Variants in TOR1A observed in about 807,000 individuals in gnomAD.
TOR1A encodes torsin family 1 member A.
A neutral mutation model predicts 31.4 loss-of-function variants in TOR1A; 18 were observed. The ratio of observed to expected loss-of-function variants is 0.57; its 90% CI spans 0.40 to 0.85. The LOEUF (loss-of-function observed/expected upper bound fraction) is 0.85, where lower values mean the gene tolerates loss of function less well. Among genes scored for constraint, TOR1A ranks in the 40% least tolerant of loss-of-function variants. The pLI, the probability that TOR1A is intolerant of heterozygous loss-of-function variation, is 0.00. For missense variants in TOR1A, 375 were observed against 416.4 expected, an observed-to-expected ratio of 0.90 and a Z score of 0.87; for synonymous variants, 168 against 165.9, an observed-to-expected ratio of 1.01 and a Z score of -0.10.
At chr9:129,815,273 A>G (rs1247119574) in intron 4 of TOR1A, among the ~76,000 whole-genome samples, 1 of 152,228 alleles carries the variant, frequency 6.6e-6, no homozygotes, top group Non-Finnish European at 1.5e-5. Flanking sequence ...GACAGAGTGG[A>G]GCCTATGGCC....
intron 1 of TOR1A, chr9:129,823,186 C>G (rs1026538692): frequency 9.9e-6 from 4 of 402,414 alleles, no homozygotes; most frequent in Non-Finnish European, 1.9e-5. Context: ...CCCTCCTGGT[C>G]GGCTGCGGAA....
chr9:129,817,838 CAAAAAAAA>C lies in TOR1A; in HGVS notation c.748+674_748+681del, dbSNP rs760010551. On this transcript the variant is annotated intron_variant, in intron 4 of 4. Transcript: ENST00000351698. ...AAACATAGGAAGACCCAGTCTCTAC[CAAAAAAAA>C]AAAAAAAAAAAAAAAAAAAAATTAG... Among the ~76,000 whole-genome samples the C allele has an allele frequency of 4.8e-3, 220 of 45,744 alleles. 1 individual carries two copies. Among genetic ancestry groups the C allele is most frequent in the African/African-American group, 0.018 (208 of 11,816 alleles). 30.0% of individuals were successfully genotyped at this position (45,744 alleles called of 152,430 possible). A position where few individuals can be genotyped will look rare whatever the true frequency, so the allele number is the denominator to read the frequency against.
At position 129,824,134 on chromosome 9, in the gene TOR1A, T is replaced by G. The variant is rs1322838493; in HGVS notation, c.-49A>C. ...TGTTCTCGCGCCGACCGCGAACCGG[T>G]GCAGCCGCCAGACCCACGCTTCCGG... is the stretch of plus-strand genomic sequence containing the variant. On this transcript the variant is annotated 5_prime_UTR_variant, in exon 1 of 5. Coordinates refer to ENST00000351698, the MANE Select transcript of TOR1A (RefSeq NM_000113.3). 2.6e-6 allele frequency: 4 copies of G among 1,535,574 alleles called. No homozygotes were observed. The Admixed American group carries it at 7.8e-5, about 30-fold the overall frequency.
chr9:129,815,058 TCCTC>T (rs1428976377), intron 4 of TOR1A, among the ~76,000 whole-genome samples: 1 of 152,140 alleles, frequency 6.6e-6, no homozygotes, highest in Non-Finnish European at 1.5e-5. Flanking sequence ...CCAGGACACT[TCCTC>T]CCAGCCCCAG....
intron 1 of TOR1A, 54 bp downstream of exon 1, chr9:129,823,854 G>A: frequency 6.6e-7 from 1 of 1,526,088 alleles, no homozygotes; most frequent in Admixed American, 2.0e-5. Context: ...CAGCCCTAGT[G>A]CCATCGCCCA....
chr9:129,823,145 A>G (rs1336285426), intron 1 of TOR1A, among the ~76,000 whole-genome samples: 1 of 151,956 alleles, frequency 6.6e-6, no homozygotes, highest in East Asian at 1.9e-4. Flanking sequence ...CTCCCACCCC[A>G]AGGCAGAGCC....
At chr9:129,814,514 C>G (rs775217513) in intron 4 of TOR1A, among the ~76,000 whole-genome samples, 9 of 151,810 alleles carry the variant, frequency 5.9e-5, no homozygotes, top group Non-Finnish European at 1.2e-4. Flanking sequence ...CCCACACATA[C>G]CTACTGGGTG....
chr9:129,823,176 C>T (rs965664590), intron 1 of TOR1A: 28 of 416,258 alleles, frequency 6.7e-5, no homozygotes, highest in South Asian at 5.3e-4. Flanking sequence ...ACAGTTTGGT[C>T]CCTCCTGGTC....
intron 4 of TOR1A, among the ~76,000 whole-genome samples, chr9:129,816,214 C>CT (rs2031035090): frequency 6.6e-6 from 1 of 152,176 alleles, no homozygotes; most frequent in Non-Finnish European, 1.5e-5. Flanking sequence ...CTGGGGAATG[C>CT]TTTTCCCTCA....
At chr9:129,822,130 G>C (rs1250897212) in intron 2 of TOR1A, 1 of 255,646 alleles carries the variant, frequency 3.9e-6, no homozygotes, top group Non-Finnish European at 7.8e-6. Flanking sequence ...GCTGGGCATG[G>C]TGGCAGGACC....
chr9:129,818,778 A>T lies in TOR1A; in HGVS notation c.587T>A (p.Val196Asp), dbSNP rs2037115298. 1 of 1,613,102 alleles carries T rather than the reference A, an allele frequency of 6.2e-7. No homozygotes were observed. Among genetic ancestry groups the T allele is most frequent in the Admixed American group, 1.7e-5 (1 of 59,978 alleles). The change falls in exon 3 of 5, where the codon GTC becomes GAC. Residue 196 changes from valine (V) to aspartate (D), a missense_variant. Transcript: ENST00000351698. ...TATGAACATGGCTTTCTGGTAGGAG[A>T]CCCCATCCACCAGGTCATAATAGTC... is the stretch of plus-strand genomic sequence containing the variant. ...FLDYYDLVDG[V>D]SYQKAMFIFL... is the part of the protein sequence containing the mutation.
chr9:129,818,432 G>C, intron 4 of TOR1A, 88 bp downstream of exon 4: 2 of 1,591,214 alleles, frequency 1.3e-6, no homozygotes, highest in African/African-American at 1.3e-5. Flanking sequence ...CAGCTCCCAG[G>C]TGATGCTGAC....
At chr9:129,816,896 GATTA>G (rs2031055055) in intron 4 of TOR1A, among the ~76,000 whole-genome samples, 1 of 152,172 alleles carries the variant, frequency 6.6e-6, no homozygotes, top group Admixed American at 6.6e-5. Flanking sequence ...CTAACTGTAG[GATTA>G]ATTTCTTGGC....
At position 129,824,105 on chromosome 9, in the gene TOR1A, T is replaced by A. The variant is rs772405181; in HGVS notation, c.-20A>T. The A allele has an allele frequency of 7.7e-6, 12 of 1,554,560 alleles. No homozygotes were observed. Among genetic ancestry groups the A allele is most frequent in the South Asian group, 2.3e-5 (2 of 85,720 alleles). ...CTTCATGCCCGGACCCGCGCCACCC[T>A]GCTTGTTCTCGCGCCGACCGCGAAC... is the stretch of plus-strand genomic sequence containing the variant. On this transcript the variant is annotated 5_prime_UTR_variant, in exon 1 of 5. Coordinates refer to ENST00000351698, the MANE Select transcript of TOR1A (RefSeq NM_000113.3).
chr9:129,822,686 C>G lies in TOR1A; in HGVS notation c.339G>C (p.Lys113Asn). 1 of 1,614,256 alleles carries G rather than the reference C, an allele frequency of 6.2e-7. No homozygotes were observed. Among genetic ancestry groups the G allele is most frequent in the South Asian group, 1.1e-5 (1 of 91,092 alleles). The change falls in exon 2 of 5, where the codon AAG becomes AAC. Residue 113 changes from lysine (K) to asparagine (N), a missense_variant. Lys to Asn is a moderately conservative substitution (Grantham distance 94). Transcript: ENST00000351698. ...CCTCGTAAATATTCTCTGCGATGATCTTGCTGACGAAATTTTTGCCGGTGC... is the reference window on the plus strand; with the variant it reads ...CCTCGTAAATATTCTCTGCGATGATGTTGCTGACGAAATTTTTGCCGGTGC... Reference protein sequence around the residue: ...WTGTGKNFVSKIIAENIYEGG... With the variant: ...WTGTGKNFVSNIIAENIYEGG...
chr9:129,818,469 G>T, intron 4 of TOR1A, 51 bp downstream of exon 4: 2 of 1,611,534 alleles, frequency 1.2e-6, no homozygotes, highest in South Asian at 1.1e-5. Context: ...TTAACACTTA[G>T]GGTGCAGGAT....
chr9:129,813,691 A>G lies in TOR1A; in HGVS notation c.*281T>C, dbSNP rs1216752153. The G allele has an allele frequency of 1.9e-6, 1 of 527,054 alleles. No individual in the cohort carries two copies. The highest frequency in any genetic ancestry group is 3.4e-6 in the Non-Finnish European group (1 of 293,444). The allele number at this position is 527,054 out of a possible 1,614,324, so 32.6% of individuals were successfully genotyped here. ...AAACAGAAACACTTGGAATTAAAAC[A>G]TAATTTGTAAAAAATCATGAGCCCT... is the stretch of plus-strand genomic sequence containing the variant. On this transcript the variant is annotated 3_prime_UTR_variant, in exon 5 of 5. Transcript: ENST00000351698.
rs868542846 is a variant in TOR1A, at chr9:129,819,946, T to A, written c.445-1026A>T. On this transcript the variant is annotated intron_variant, in intron 2 of 4. Transcript: ENST00000351698. ...ACTCCGTCTCAAAAAAAAAAAATAATAATAATAATAAATAAATAAAATAAA... is the reference window on the plus strand; with the variant it reads ...ACTCCGTCTCAAAAAAAAAAAATAAAAATAATAATAAATAAATAAAATAAA... Among the ~76,000 whole-genome samples the A allele has an allele frequency of 3.9e-3, 550 of 142,108 alleles. 5 individuals carry two copies. The highest frequency in any genetic ancestry group is 0.012 in the African/African-American group (456 of 39,146). 93.2% of individuals were successfully genotyped at this position (142,108 alleles called of 152,430 possible).
At position 129,812,988 on chromosome 9, in the gene TOR1A, TAAAG is replaced by T. The variant is rs750015173; in HGVS notation, c.*980_*983del. The stretch of plus-strand genomic sequence containing the variant: ...GTAAAACGGTAGCCATTTGCATTTA[TAAAG>T]AAAGACACCGTTCTCAGCATCCTCA... On this transcript the variant is annotated 3_prime_UTR_variant, in exon 5 of 5. Coordinates refer to ENST00000351698, the MANE Select transcript of TOR1A (RefSeq NM_000113.3). 6 of 152,214 alleles carry T rather than the reference TAAAG, an allele frequency of 3.9e-5. No individual in the cohort carries two copies. The highest frequency in any genetic ancestry group is 5.9e-5 in the Non-Finnish European group (4 of 68,040). 9.4% of individuals were successfully genotyped at this position (152,214 alleles called of 1,614,324 possible).
Sources: allele counts gnomAD v4.1 joint callset (sites outside exome capture counted in the v4.1 genomes callset), GRCh38; gene constraint gnomAD v4.1.1; transcripts MANE v1.5; gene names NCBI Gene and HGNC (gene_info 2026-07-23, HGNC 2026-07-21).